The following POU5F1 variants were observed in gnomAD, a reference collection of about 807,000 sequenced individuals.
POU5F1 encodes POU domain, class 5, transcription factor 1.
In POU5F1, 6 loss-of-function variants were observed where a neutral mutation model predicts 38.3. That is an observed-to-expected ratio of 0.16 (90% CI 0.09 to 0.31). POU5F1 has a LOEUF of 0.31. Ranked by LOEUF, POU5F1 falls within the 10% of genes least tolerant of loss-of-function variation. The probability of loss-of-function intolerance (pLI) is 1.00; values close to 1 mark genes in which losing one functional copy is unlikely to be tolerated. For synonymous variants in POU5F1, 147 were observed against 194.9 expected, an observed-to-expected ratio of 0.75 and a Z score of 2.05; for missense variants, 286 against 462.6, an observed-to-expected ratio of 0.62 and a Z score of 3.50.
Position 31,164,517 on chromosome 6 carries a change from C to T in POU5F1, c.*84G>A. 1 of 1,550,518 alleles carries T rather than the reference C, an allele frequency of 6.4e-7. No individual in the cohort carries two copies. The highest frequency in any genetic ancestry group is 1.2e-5 in the South Asian group (1 of 84,242). The stretch of plus-strand genomic sequence containing the variant: ...TCCTTAGTGAATGAAGAACTTAATC[C>T]CAAAAACCCTGGCACAAACTCCAGG... On this transcript the variant is annotated 3_prime_UTR_variant, in exon 5 of 5. Coordinates refer to ENST00000259915, the MANE Select transcript of POU5F1 (RefSeq NM_002701.6).
In POU5F1 at chr6:31,165,524, T is replaced by C; in HGVS notation, c.657+47A>G. ...AGCCAGTGATGGAAGCAATGGAAAT[T>C]AGGCCAAGAAAGGGAAGGTCCCCGG... On this transcript the variant is annotated intron_variant, in intron 3 of 4. Transcript: ENST00000259915. This position sits in a 1 kb window ranked among gnomAD's most constrained non-coding sequence, Gnocchi z 6.5. 3 of 1,611,576 alleles carry C rather than the reference T, an allele frequency of 1.9e-6. No individual in the cohort carries two copies. The highest frequency in any genetic ancestry group is 2.5e-6 in the Non-Finnish European group (3 of 1,179,640).
Position 31,165,382 on chromosome 6 carries a change from G to A in POU5F1, c.658-96C>T. 2.6e-6 allele frequency: 4 copies of A among 1,565,490 alleles called. No individual in the cohort carries two copies. Among genetic ancestry groups the A allele is most frequent in the Admixed American group, 1.9e-5 (1 of 52,648 alleles). On this transcript the variant is annotated intron_variant, in intron 3 of 4. Transcript: ENST00000259915. This position sits in a 1 kb window ranked among gnomAD's most constrained non-coding sequence, Gnocchi z 6.5. ...TGACTAGATGTGTCAGCAGAGCCAGGTGGTGGTGTGAAAAGGCAGGATCCT... is the reference window on the plus strand; with the variant it reads ...TGACTAGATGTGTCAGCAGAGCCAGATGGTGGTGTGAAAAGGCAGGATCCT...
Position 31,170,629 on chromosome 6 carries a change from A to T in POU5F1, c.-9T>A. 4 of 1,546,286 alleles carry T rather than the reference A, an allele frequency of 2.6e-6. No homozygotes were observed. Among genetic ancestry groups the T allele is most frequent in the Non-Finnish European group, 3.5e-6 (4 of 1,145,248 alleles). On this transcript the variant is annotated 5_prime_UTR_variant, in exon 1 of 5. Transcript: ENST00000259915. ...GCCAGGTGTCCCGCCATGGGGAAGG[A>T]AGGCGCCCCAAGCCGGGGGCCTGGT...
chr6:31,164,802 T>C lies in POU5F1; in HGVS notation c.882A>G (p.Gln294=), dbSNP rs1423969939. Residue 294 remains glutamine, a synonymous_variant, in exon 5 of 5, where the codon CAA becomes CAG. Transcript: ENST00000259915. ...ACCCAGCAGCCTCAAAATCCTCTCG[T>C]TGTGCATAGTCGCTGCTTGATCGCT... ...KGKRSSSDYA[Q]REDFEAAGSP... The C allele has an allele frequency of 6.2e-7, 1 of 1,612,864 alleles. No individual in the cohort carries two copies. The highest frequency in any genetic ancestry group is 1.7e-5 in the Admixed American group (1 of 59,860).
At chr6:31,164,944 T>C (rs1176104351) in intron 4 of POU5F1, 77 bp from the exon 5 acceptor site, 4 of 1,567,142 alleles carry the variant, frequency 2.6e-6, no homozygotes, top group Non-Finnish European at 3.5e-6. Context: ...GGACATTCTA[T>C]CCAAAGCCAA....
rs1777037472 is a variant in POU5F1 at position 31,164,447 on chromosome 6, T to C, written c.*154A>G. 4.9e-6 allele frequency: 5 copies of C among 1,030,738 alleles called. No homozygotes were observed. Among genetic ancestry groups the C allele is most frequent in the Admixed American group, 2.9e-5 (1 of 35,018 alleles). The allele number at this position is 1,030,738 out of a possible 1,614,324, so 63.8% of individuals were successfully genotyped here. A position where few individuals can be genotyped will look rare whatever the true frequency, so the allele number is the denominator to read the frequency against. On this transcript the variant is annotated 3_prime_UTR_variant, in exon 5 of 5. Transcript: ENST00000259915. ...TGAACTTCACCTTCCCTCCAACCAG[T>C]TGCCCCAAACTCCCCTGCCCCCACC...
In POU5F1 at chr6:31,165,538, G is replaced by A. The variant is rs776737224; in HGVS notation, c.657+33C>T. 1 of 1,612,454 alleles carries A rather than the reference G, an allele frequency of 6.2e-7. No individual in the cohort carries two copies. Among genetic ancestry groups the A allele is most frequent in the Non-Finnish European group, 8.5e-7 (1 of 1,179,926 alleles). On this transcript the variant is annotated intron_variant, in intron 3 of 4. Coordinates refer to ENST00000259915, the MANE Select transcript of POU5F1 (RefSeq NM_002701.6). This position sits in a 1 kb window ranked among gnomAD's most constrained non-coding sequence, Gnocchi z 6.5. ...GCAATGGAAATTAGGCCAAGAAAGGGAAGGTCCCCGGGTATCCCCCTCCCA... is the reference window on the plus strand; with the variant it reads ...GCAATGGAAATTAGGCCAAGAAAGGAAAGGTCCCCGGGTATCCCCCTCCCA...
chr6:31,166,159 G>T, intron 1 of POU5F1, 112 bp from the exon 2 acceptor site: 1 of 1,610,792 alleles, frequency 6.2e-7, no homozygotes, highest in Non-Finnish European at 8.5e-7. Flanking sequence ...ATAGTCTGTA[G>T]AAGTGCCTCT....
Position 31,170,573 on chromosome 6 carries a change from A to C in POU5F1, c.48T>G (p.Gly16=). 3 of 1,566,960 alleles carry C rather than the reference A, an allele frequency of 1.9e-6. No individual in the cohort carries two copies. Among genetic ancestry groups the C allele is most frequent in the Non-Finnish European group, 2.6e-6 (3 of 1,156,670 alleles). ...ASDFAFSPPP[G]GGGDGPGGPE... ...GCCCCCCTGGCCCATCACCTCCACC[A>C]CCTGGAGGGGGCGAGAAGGCGAAAT... Residue 16 remains glycine (G), a synonymous_variant, in exon 1 of 5, where the codon GGT becomes GGG. Transcript: ENST00000259915.
At position 31,170,224 on chromosome 6, in the gene POU5F1, G is replaced by A. The variant is rs1648910875; in HGVS notation, c.397C>T (p.Pro133Ser). The A allele has an allele frequency of 6.2e-7, 1 of 1,612,912 alleles. No homozygotes were observed. Among genetic ancestry groups the A allele is most frequent in the Non-Finnish European group, 8.5e-7 (1 of 1,179,840 alleles). Reference sequence around the variant, plus strand: ...CGTCGAAGCTCACTTGCCTCCTCCGGGTTTTGCTCCAGCTTCTCCTTCTCC... The same window carrying A: ...CGTCGAAGCTCACTTGCCTCCTCCGAGTTTTGCTCCAGCTTCTCCTTCTCC... ...KLEKEKLEQN[P>S]EESQDIKALQ... The change falls in exon 1 of 5, where the codon CCG (proline) becomes TCG (serine). Residue 133 changes from proline to serine, a missense_variant. Around this residue, in one of 2 missense-constraint regions of POU5F1, gnomAD observed 176 missense variants for 184.8 expected, o/e 0.95. Coordinates refer to ENST00000259915, the MANE Select transcript of POU5F1 (RefSeq NM_002701.6).
chr6:31,170,173 A>T, intron 1 of POU5F1, 43 bp downstream of exon 1: 2 of 1,612,472 alleles, frequency 1.2e-6, no homozygotes, highest in Non-Finnish European at 1.7e-6. Context: ...CTGCCCTGTC[A>T]TGACCACCTC....
intron 1 of POU5F1, among the ~76,000 whole-genome samples, chr6:31,167,364 C>G (rs1466191389): frequency 6.6e-6 from 1 of 151,536 alleles, no homozygotes; most frequent in Non-Finnish European, 1.5e-5. Context: ...CGTGCCGCCC[C>G]TTCTCCCACC....
At chr6:31,166,205 C>T (rs76364340) in intron 1 of POU5F1, 158 bp from the exon 2 acceptor site, 16,844 of 1,564,882 alleles carry the variant, frequency 0.011, 218 homozygotes, top group East Asian at 0.067. Context: ...CTAGAAATAA[C>T]CTACCCACAA....
At chr6:31,168,317 C>A (rs1357795868) in intron 1 of POU5F1, among the ~76,000 whole-genome samples, 1 of 150,914 alleles carries the variant, frequency 6.6e-6, no homozygotes, top group Non-Finnish European at 1.5e-5. Context: ...CTCACCGCAA[C>A]CTCCATCTCC....
Position 31,164,948 on chromosome 6 carries a change from A to G in POU5F1, c.817-81T>C, listed in dbSNP as rs566899849. ...TGACTCTGCTTGGACATTCTATCCA[A>G]AGCCAACAGCCCTAGAGCAGTTAGA... On this transcript the variant is annotated intron_variant, in intron 4 of 4. Transcript: ENST00000259915. 5.3e-5 allele frequency: 83 copies of G among 1,564,368 alleles called. 1 individual carries two copies. In the East Asian group the frequency reaches 1.9e-3, roughly 36 times the overall value.
chr6:31,165,112 G>C lies in POU5F1; in HGVS notation c.816+16C>G. ...AGGGGAAAGAGATGGAGCCCGCAGA[G>C]AGACATGGCACTCACATCCTTCTCG... is the stretch of plus-strand genomic sequence containing the variant. On this transcript the variant is annotated intron_variant, in intron 4 of 4. Coordinates refer to ENST00000259915, the MANE Select transcript of POU5F1 (RefSeq NM_002701.6). The surrounding 1 kb of genome is among the most constrained non-coding windows in gnomAD (Gnocchi z 6.5). 1 of 1,605,282 alleles carries C rather than the reference G, an allele frequency of 6.2e-7. No homozygotes were observed. The highest frequency in any genetic ancestry group is 2.3e-5 in the East Asian group (1 of 44,376).
At chr6:31,166,931 T>A in intron 1 of POU5F1, 1 of 1,200,322 alleles carries the variant, frequency 8.3e-7, no homozygotes, top group Non-Finnish European at 1.1e-6. Context: ...GATAAAGTGC[T>A]TTGTGTGTAC....
chr6:31,170,682 C>A lies in POU5F1; in HGVS notation c.-62G>T. The A allele has an allele frequency of 6.7e-7, 1 of 1,485,982 alleles. No individual in the cohort carries two copies. Among genetic ancestry groups the A allele is most frequent in the Non-Finnish European group, 9.0e-7 (1 of 1,115,528 alleles). The allele number at this position is 1,485,982 out of a possible 1,614,324, so 92.0% of individuals were successfully genotyped here. On this transcript the variant is annotated 5_prime_UTR_variant, in exon 1 of 5. Transcript: ENST00000259915. ...AATGAGGGCTTGCGAAGGGACTACTCAACCCCTCTCTCCCTCCCCAGTCCC... is the reference window on the plus strand; with the variant it reads ...AATGAGGGCTTGCGAAGGGACTACTAAACCCCTCTCTCCCTCCCCAGTCCC...
At chr6:31,167,364 C>T (rs1466191389) in intron 1 of POU5F1, among the ~76,000 whole-genome samples, 1 of 151,536 alleles carries the variant, frequency 6.6e-6, no homozygotes, top group Non-Finnish European at 1.5e-5. Flanking sequence ...CGTGCCGCCC[C>T]TTCTCCCACC....
Sources: allele counts gnomAD v4.1 joint callset (sites outside exome capture counted in the v4.1 genomes callset), GRCh38; gene constraint gnomAD v4.1.1; regional missense constraint gnomAD v4.1.1; non-coding constraint Gnocchi (gnomAD v3.1); transcripts MANE v1.5; gene names NCBI Gene and HGNC (gene_info 2026-07-23, HGNC 2026-07-21).